SLC25A26: variants seen among roughly 807,000 people sequenced by gnomAD.
SLC25A26 encodes the protein solute carrier family 25 member 26.
Under a neutral mutation model 37.8 loss-of-function variants are expected in SLC25A26, and 36 were observed. The observed-to-expected ratio is 0.95, with a 90% CI of 0.73 to 1.26. SLC25A26 has a LOEUF of 1.26. Ranked by LOEUF, SLC25A26 falls within the 50% of genes most tolerant of loss-of-function variation. The pLI, the probability that SLC25A26 is intolerant of heterozygous loss-of-function variation, is 0.00. For missense variants in SLC25A26, 390 were observed against 331.1 expected (o/e 1.18, Z -1.38); for synonymous variants, 129 against 122.5 (o/e 1.05, Z -0.35).
intron 5 of SLC25A26, among the ~76,000 whole-genome samples, chr3:66,343,247 A>G (rs900751504): frequency 4.6e-5 from 7 of 152,202 alleles, no homozygotes; most frequent in Non-Finnish European, 7.4e-5. Context: ...ACACATTTTC[A>G]TTATTGTTTG....
At chr3:66,268,619 A>T (rs749049910) in intron 5 of SLC25A26, among the ~76,000 whole-genome samples, 23 of 152,198 alleles carry the variant, frequency 1.5e-4, no homozygotes, top group Admixed American at 2.6e-4. Flanking sequence ...GTGCTCAGGA[A>T]ATGTTAACTA....
At chr3:66,153,144 T>C (rs2070230437) in intron 1 of SLC25A26, among the ~76,000 whole-genome samples, 2 of 152,142 alleles carry the variant, frequency 1.3e-5, no homozygotes, top group Non-Finnish European at 2.9e-5. Context: ...TTTTTGGTCG[T>C]CACGACCAAA....
At chr3:66,168,927 G>A (rs191295033) in intron 1 of SLC25A26, among the ~76,000 whole-genome samples, 5 of 152,298 alleles carry the variant, frequency 3.3e-5, no homozygotes, top group East Asian at 1.9e-4. Context: ...TTCAAGACCC[G>A]ATTGAGCAAC....
chr3:66,364,210 A>C (rs927876683), intron 7 of SLC25A26, among the ~76,000 whole-genome samples: 2 of 151,814 alleles, frequency 1.3e-5, no homozygotes, highest in African/African-American at 4.9e-5. Context: ...TTGCAGAGAC[A>C]TTGTTACTAT....
chr3:66,364,723 A>C (rs1261644052), intron 7 of SLC25A26, among the ~76,000 whole-genome samples: 1 of 152,176 alleles, frequency 6.6e-6, no homozygotes, highest in Non-Finnish European at 1.5e-5. Flanking sequence ...GAAAATGAAA[A>C]CCTACTTTCA....
At chr3:66,193,734 A>T (rs2070989887) in intron 1 of SLC25A26, among the ~76,000 whole-genome samples, 1 of 152,224 alleles carries the variant, frequency 6.6e-6, no homozygotes, top group Non-Finnish European at 1.5e-5. Context: ...GAAAACAGCT[A>T]TCATAAAAAC....
chr3:66,374,598 ACT>A (rs1248887096), intron 9 of SLC25A26, among the ~76,000 whole-genome samples: 1 of 152,000 alleles, frequency 6.6e-6, no homozygotes, highest in Non-Finnish European at 1.5e-5. Context: ...TAAATAAAAA[ACT>A]CGGGCCGGGC....
intron 1 of SLC25A26, among the ~76,000 whole-genome samples, chr3:66,152,369 C>T (rs2070220579): frequency 6.6e-6 from 1 of 152,156 alleles, no homozygotes; most frequent in Non-Finnish European, 1.5e-5. Context: ...GTAAGGGAAA[C>T]CCCAGATCAA....
At chr3:66,191,892 G>A (rs1241701768) in intron 1 of SLC25A26, among the ~76,000 whole-genome samples, 2 of 151,716 alleles carry the variant, frequency 1.3e-5, no homozygotes, top group Non-Finnish European at 2.9e-5. Context: ...GGGTGACAGA[G>A]CAAGACTCTG....
At chr3:66,228,775 T>A (rs1252712046) in intron 1 of SLC25A26, among the ~76,000 whole-genome samples, 2 of 152,236 alleles carry the variant, frequency 1.3e-5, no homozygotes, top group Non-Finnish European at 2.9e-5. Flanking sequence ...TATTCTACTT[T>A]AAAAAATTAA....
intron 3 of SLC25A26, among the ~76,000 whole-genome samples, chr3:66,255,523 T>TTA (rs2073265193): frequency 6.6e-6 from 1 of 151,550 alleles, no homozygotes; most frequent in Non-Finnish European, 1.5e-5. Context: ...ATGGAAAACC[T>TTA]TAGTAGTTCT....
At chr3:66,375,104 G>T (rs1700571488) in intron 9 of SLC25A26, among the ~76,000 whole-genome samples, 1 of 152,190 alleles carries the variant, frequency 6.6e-6, no homozygotes, top group African/African-American at 2.4e-5. Context: ...GTTTGGTCTG[G>T]ATAGAAGATC....
intron 5 of SLC25A26, among the ~76,000 whole-genome samples, chr3:66,274,097 A>C (rs1207495910): frequency 3.3e-5 from 5 of 152,068 alleles, no homozygotes; most frequent in Non-Finnish European, 7.3e-5. Context: ...ATAAGGCCGC[A>C]TATCTACAAC....
At chr3:66,165,202 C>T (rs953707112) in intron 1 of SLC25A26, among the ~76,000 whole-genome samples, 1 of 152,194 alleles carries the variant, frequency 6.6e-6, no homozygotes, top group Admixed American at 6.5e-5. Flanking sequence ...CCACCTTCAA[C>T]TTGCCAGTCA....
intron 5 of SLC25A26, among the ~76,000 whole-genome samples, chr3:66,272,805 C>T (rs1258860622): frequency 1.3e-5 from 2 of 152,104 alleles, no homozygotes; most frequent in African/African-American, 4.8e-5. Context: ...GCCTAATTGC[C>T]CTGGCCAGAA....
rs143429294 is a variant in SLC25A26 at position 66,358,887 on chromosome 3, A to G, written c.499-3973A>G. Among the ~76,000 whole-genome samples the G allele has an allele frequency of 2.2e-3, 341 of 152,334 alleles. 2 individuals are homozygous for G. The highest frequency in any genetic ancestry group is 7.7e-3 in the African/African-American group (321 of 41,596). On this transcript the variant is annotated intron_variant, in intron 6 of 9. Coordinates refer to ENST00000354883, the MANE Select transcript of SLC25A26 (RefSeq NM_001379210.1). ...GTATGTAAAGTGCTTCACACCTGGAATGTGGGAAGTTCTGTATGTTCTATG... is the reference window on the plus strand; with the variant it reads ...GTATGTAAAGTGCTTCACACCTGGAGTGTGGGAAGTTCTGTATGTTCTATG...
intron 3 of SLC25A26, among the ~76,000 whole-genome samples, chr3:66,246,088 C>CT (rs2072825679): frequency 6.6e-6 from 1 of 152,278 alleles, no homozygotes; most frequent in African/African-American, 2.4e-5. Context: ...TTGTTACTGA[C>CT]TTTTTTCAGC....
chr3:66,184,170 A>G (rs1468460353), intron 1 of SLC25A26, among the ~76,000 whole-genome samples: 2 of 151,912 alleles, frequency 1.3e-5, no homozygotes, highest in Non-Finnish European at 2.9e-5. Flanking sequence ...CACAGCTCTA[A>G]TACTTATTCT....
chr3:66,141,320 G>T (rs2070030927), intron 1 of SLC25A26, among the ~76,000 whole-genome samples: 1 of 151,548 alleles, frequency 6.6e-6, no homozygotes, highest in Non-Finnish European at 1.5e-5. Flanking sequence ...CTGGCCTCGA[G>T]GGCTCAAGAA....
Sources: gnomAD v4.1 joint callset for allele counts (sites outside exome capture counted in the v4.1 genomes callset) on GRCh38, gnomAD v4.1.1 for gene constraint, MANE v1.5 for transcripts, NCBI Gene and HGNC (gene_info 2026-07-23, HGNC 2026-07-21) for gene names.